RAPGEF4: variants seen among roughly 807,000 people sequenced by gnomAD.
RAPGEF4 encodes RAP guanine-nucleotide-exchange factor (GEF) 4.
A neutral mutation model predicts 147.9 loss-of-function variants in RAPGEF4; 66 were observed. That is an observed-to-expected ratio of 0.45 (90% CI 0.37 to 0.55). The LOEUF (loss-of-function observed/expected upper bound fraction) is 0.55. RAPGEF4 is among the 20% of genes least tolerant of loss of function. The probability of loss-of-function intolerance (pLI) is 0.00; values close to 1 mark genes in which losing one functional copy is unlikely to be tolerated. For missense variants in RAPGEF4, 1,071 were observed against 1,257.3 expected (o/e 0.85, Z 2.24); for synonymous variants, 419 against 442.7 (o/e 0.95, Z 0.67).
intron 5 of RAPGEF4, among the ~76,000 whole-genome samples, chr2:172,921,308 G>A (rs1343291840): frequency 1.3e-5 from 2 of 151,882 alleles, no homozygotes; most frequent in African/African-American, 4.8e-5. Context: ...GGCTGCTCTC[G>A]AGCTCCTGGG....
Position 173,048,673 on chromosome 2 carries a change from C to T in RAPGEF4, c.2908+19C>T, listed in dbSNP as rs1399361546. On this transcript the variant is annotated intron_variant, in intron 30 of 30. Coordinates refer to ENST00000397081, the MANE Select transcript of RAPGEF4 (RefSeq NM_007023.4). ...CCCTTCAGTAAGTTAAGTGCTGCCA[C>T]CTCTTACAATGTAGATGTTGGTGAT... 4 of 1,614,042 alleles carry T rather than the reference C, an allele frequency of 2.5e-6. No homozygotes were observed. The highest frequency in any genetic ancestry group is 3.4e-6 in the Non-Finnish European group (4 of 1,179,990).
Position 172,777,465 on chromosome 2 carries a change from T to C in RAPGEF4, c.66-17560T>C, listed in dbSNP as rs116316762. Among the ~76,000 whole-genome samples, 705 of 152,260 alleles carry C rather than the reference T, an allele frequency of 4.6e-3. 8 individuals are homozygous for C. Among genetic ancestry groups the C allele is most frequent in the African/African-American group, 0.016 (671 of 41,558 alleles). On this transcript the variant is annotated intron_variant, in intron 1 of 30. Coordinates refer to ENST00000397081, the MANE Select transcript of RAPGEF4 (RefSeq NM_007023.4). ...TGACTGGTTAGAAGTGCTGTATCTC[T>C]CAGCACTGTGTGACCTCTGGAATGT...
At chr2:172,837,140 T>C (rs1691039327) in intron 4 of RAPGEF4, among the ~76,000 whole-genome samples, 1 of 152,194 alleles carries the variant, frequency 6.6e-6, no homozygotes, top group African/African-American at 2.4e-5. Flanking sequence ...TGTGTGTGTG[T>C]ATACATTTTG....
intron 1 of RAPGEF4, among the ~76,000 whole-genome samples, chr2:172,739,917 A>G (rs1308250830): frequency 6.6e-6 from 1 of 152,238 alleles, no homozygotes; most frequent in East Asian, 1.9e-4. Flanking sequence ...GTGGGCTAAG[A>G]ATGGTTTTCA....
At chr2:172,853,934 T>C (rs1457392636) in intron 4 of RAPGEF4, among the ~76,000 whole-genome samples, 4 of 152,058 alleles carry the variant, frequency 2.6e-5, no homozygotes, top group Non-Finnish European at 4.4e-5. Flanking sequence ...TTTAGACTTA[T>C]TTATAGCACA....
intron 26 of RAPGEF4, among the ~76,000 whole-genome samples, chr2:173,031,578 G>A (rs150691655): frequency 6.6e-6 from 1 of 152,234 alleles, no homozygotes; most frequent in East Asian, 1.9e-4. Context: ...GCCAGGTGTG[G>A]GTACCACAGA....
At chr2:172,857,909 A>AGGTG in intron 4 of RAPGEF4, among the ~76,000 whole-genome samples, 1 of 4,366 alleles carries the variant, frequency 2.3e-4, no homozygotes, top group Non-Finnish European at 7.5e-4. Context: ...AAAAAAAAAA[A>AGGTG]AAAAAAAAAA....
chr2:172,802,898 C>A (rs1687117013), intron 3 of RAPGEF4, among the ~76,000 whole-genome samples: 1 of 152,232 alleles, frequency 6.6e-6, no homozygotes, highest in Non-Finnish European at 1.5e-5. Flanking sequence ...TCCAGCAGGG[C>A]AGTCAAATCT....
At chr2:172,972,871 A>C (rs1575413424) in intron 10 of RAPGEF4, among the ~76,000 whole-genome samples, 1 of 152,294 alleles carries the variant, frequency 6.6e-6, no homozygotes. Context: ...AAGAAGAAAA[A>C]ATACCTGCAA....
At chr2:172,979,541 T>G (rs1313419309) in intron 10 of RAPGEF4, among the ~76,000 whole-genome samples, 3 of 152,246 alleles carry the variant, frequency 2.0e-5, no homozygotes, top group Non-Finnish European at 4.4e-5. Flanking sequence ...GTTGAGCAAC[T>G]AGGAAGTTCA....
rs56788800 is a variant in RAPGEF4, at chr2:172,740,261, A to G, written c.65+4213A>G. Among the ~76,000 whole-genome samples, 158 of 152,296 alleles carry G rather than the reference A, an allele frequency of 1.0e-3. 3 individuals carry two copies. Among genetic ancestry groups the G allele is most frequent in the African/African-American group, 3.0e-3 (126 of 41,538 alleles). On this transcript the variant is annotated intron_variant, in intron 1 of 30. Coordinates refer to ENST00000397081, the MANE Select transcript of RAPGEF4 (RefSeq NM_007023.4). ...AAGAAATCGTTTTCATTTGGAAAGGAGTTCACAGTGTTTGGTTTCTTGTTC... is the reference window on the plus strand; with the variant it reads ...AAGAAATCGTTTTCATTTGGAAAGGGGTTCACAGTGTTTGGTTTCTTGTTC...
At chr2:172,960,137 C>T (rs998874188) in intron 6 of RAPGEF4, among the ~76,000 whole-genome samples, 1 of 152,112 alleles carries the variant, frequency 6.6e-6, no homozygotes, top group Non-Finnish European at 1.5e-5. Context: ...TTCTCTAGAG[C>T]CTAGAGCTGA....
chr2:172,986,381 A>G (rs1692251142), intron 12 of RAPGEF4, among the ~76,000 whole-genome samples: 1 of 152,242 alleles, frequency 6.6e-6, no homozygotes, highest in African/African-American at 2.4e-5. Context: ...ACATTGTATG[A>G]GTCAAATAAG....
chr2:172,791,924 A>G (rs973287160), intron 1 of RAPGEF4, among the ~76,000 whole-genome samples: 2 of 152,204 alleles, frequency 1.3e-5, no homozygotes, highest in African/African-American at 2.4e-5. Flanking sequence ...ACAAAAAGGC[A>G]TGCTCTTTCT....
chr2:172,909,688 A>T (rs946418577), intron 4 of RAPGEF4, among the ~76,000 whole-genome samples: 2 of 152,158 alleles, frequency 1.3e-5, no homozygotes, highest in African/African-American at 4.8e-5. Context: ...GTGCTGACTT[A>T]TATGTGCGGG....
rs566672389 is a variant in RAPGEF4, at chr2:172,830,581, C to T, written c.444+16156C>T. On this transcript the variant is annotated intron_variant, in intron 4 of 30. Transcript: ENST00000397081. ...AAAGTAGTCATAACACAACCCATCA[C>T]GCAAAACAAGAATCCTGTTTGTTTG... Among the ~76,000 whole-genome samples, 12 of 150,366 alleles carry T rather than the reference C, an allele frequency of 8.0e-5. No individual in the cohort carries two copies. In the South Asian group the frequency reaches 1.1e-3, roughly 13 times the overall value.
intron 3 of RAPGEF4, among the ~76,000 whole-genome samples, chr2:172,811,326 G>A (rs1330808323): frequency 2.6e-5 from 4 of 152,288 alleles, no homozygotes; most frequent in East Asian, 1.9e-4. Flanking sequence ...TATTGAAGTC[G>A]GGTTTTTAAA....
At chr2:172,822,069 C>T (rs1689128695) in intron 4 of RAPGEF4, 13 of 1,482,072 alleles carry the variant, frequency 8.8e-6, no homozygotes, top group Non-Finnish European at 1.0e-5. Context: ...TGCTCAAAAA[C>T]ATCTCTGGCT....
At chr2:172,827,426 G>T (rs1689788517) in intron 4 of RAPGEF4, among the ~76,000 whole-genome samples, 1 of 152,024 alleles carries the variant, frequency 6.6e-6, no homozygotes, top group African/African-American at 2.4e-5. Context: ...CTTTCTCTCT[G>T]CCTCTCCTTG....
Sources: gnomAD v4.1 joint callset for allele counts (sites outside exome capture counted in the v4.1 genomes callset) on GRCh38, gnomAD v4.1.1 for gene constraint, MANE v1.5 for transcripts, NCBI Gene and HGNC (gene_info 2026-07-23, HGNC 2026-07-21) for gene names.